The following ZNFX1 variants were observed in gnomAD, a reference collection of about 807,000 sequenced individuals.
ZNFX1 encodes the protein zinc finger NFX1-type containing 1, also known as NFX1-type zinc finger-containing protein 1.
Under a neutral mutation model 179.8 loss-of-function variants are expected in ZNFX1, and 78 were observed. The observed-to-expected ratio is 0.43, with a 90% CI of 0.36 to 0.52. ZNFX1 has a LOEUF of 0.52. ZNFX1 is among the 20% of genes least tolerant of loss of function. The probability of loss-of-function intolerance (pLI) is 0.00; values close to 1 mark genes in which losing one functional copy is unlikely to be tolerated. For synonymous variants in ZNFX1, 848 were observed against 868.5 expected (o/e 0.98, Z 0.42); for missense variants, 1,927 against 2,386.6 (o/e 0.81, Z 4.01).
At chr20:49,253,566 T>C in intron 11 of ZNFX1, 100 bp downstream of exon 11, 1 of 1,423,082 alleles carries the variant, frequency 7.0e-7, no homozygotes, top group Non-Finnish European at 9.6e-7. Context: ...AAGAAGCTAC[T>C]AATAAGCTTG....
chr20:49,275,758 T>C (rs770738931), intron 2 of ZNFX1, 21 bp downstream of exon 2: 7 of 1,612,904 alleles, frequency 4.3e-6, no homozygotes, highest in Non-Finnish European at 5.9e-6. Context: ...TCCTTCTCAT[T>C]AGGTAGGAAA....
Position 49,249,515 on chromosome 20 carries a change from A to G in ZNFX1, c.3509T>C (p.Leu1170Pro). 6.2e-7 allele frequency: 1 copy of G among 1,614,252 alleles called. No homozygotes were observed. The highest frequency in any genetic ancestry group is 8.5e-7 in the Non-Finnish European group (1 of 1,180,054). The stretch of plus-strand genomic sequence containing the variant: ...GCCAGCAAATGTCTTGGCAGGCATC[A>G]GTTTGCGCAGGCAGAAGAGCTGCCC... ...YTGQLFCLRK[L>P]MPAKTFAGVR... is the part of the protein sequence containing the mutation. Residue 1170 changes from leucine to proline, a missense_variant, in exon 14 of 14, where the codon CTG (leucine) becomes CCG (proline). By Grantham distance (98) the Leu-to-Pro change is moderately conservative. Coordinates refer to ENST00000396105, the MANE Select transcript of ZNFX1 (RefSeq NM_021035.3).
In ZNFX1 at chr20:49,276,815, C is replaced by A. The variant is rs116372776; in HGVS notation, c.-48-928G>T. Among the ~76,000 whole-genome samples the A allele has an allele frequency of 5.1e-3, 774 of 152,322 alleles. 6 individuals are homozygous for A. The highest frequency in any genetic ancestry group is 0.018 in the African/African-American group (728 of 41,570). On this transcript the variant is annotated intron_variant, in intron 1 of 13. Coordinates refer to ENST00000396105, the MANE Select transcript of ZNFX1 (RefSeq NM_021035.3). ...TTTTCCTCATCTGAAAAAGGAGTCT[C>A]TTTTCTTCCCCCTGGGAATATCTCT...
intron 12 of ZNFX1, 52 bp downstream of exon 12, chr20:49,252,668 C>T: frequency 1.4e-6 from 2 of 1,428,666 alleles, no homozygotes; most frequent in Admixed American, 1.7e-5. Flanking sequence ...CTGGCAGCTT[C>T]CCAGGAGCTT....
intron 3 of ZNFX1, 93 bp from the exon 4 acceptor site, chr20:49,266,359 T>A (rs1981233388): frequency 1.7e-6 from 2 of 1,144,956 alleles, no homozygotes; most frequent in Non-Finnish European, 2.4e-6. Flanking sequence ...TTTAATATAA[T>A]ACATTAAGAT....
At chr20:49,272,473 C>T (rs1246327389) in intron 2 of ZNFX1, among the ~76,000 whole-genome samples, 2 of 152,098 alleles carry the variant, frequency 1.3e-5, no homozygotes, top group East Asian at 1.9e-4. Context: ...CGTAAGCCAC[C>T]GTGCCTGGTG....
At chr20:49,271,882 TTCTA>T in intron 2 of ZNFX1, 132 bp from the exon 3 acceptor site, 1 of 1,007,846 alleles carries the variant, frequency 9.9e-7, no homozygotes, top group Non-Finnish European at 1.4e-6. Context: ...GAAAAACGGT[TTCTA>T]CCAAGTCATA....
chr20:49,249,047 A>G lies in ZNFX1; in HGVS notation c.3977T>C (p.Ile1326Thr). The change falls in exon 14 of 14, where the codon ATC becomes ACC. Residue 1326 changes from isoleucine (I) to threonine (T), a missense_variant. Physicochemically the swap from Ile to Thr is moderately conservative, Grantham distance 89. Coordinates refer to ENST00000396105, the MANE Select transcript of ZNFX1 (RefSeq NM_021035.3). ...FQCMKPCQKV[I>T]CQEGHRCPLV... Reference sequence around the variant, plus strand: ...GGGACACCGGTGCCCTTCCTGACAGATGACCTTCTGGCATGGCTTCATGCA... The same window carrying G: ...GGGACACCGGTGCCCTTCCTGACAGGTGACCTTCTGGCATGGCTTCATGCA... 6.2e-7 allele frequency: 1 copy of G among 1,614,222 alleles called. No homozygotes were observed. Among genetic ancestry groups the G allele is most frequent in the Non-Finnish European group, 8.5e-7 (1 of 1,180,040 alleles).
At chr20:49,273,996 C>A (rs1981489455) in intron 2 of ZNFX1, among the ~76,000 whole-genome samples, 1 of 152,206 alleles carries the variant, frequency 6.6e-6, no homozygotes, top group Non-Finnish European at 1.5e-5. Flanking sequence ...TGTTCCACAG[C>A]TAAAACTCTT....
intron 5 of ZNFX1, among the ~76,000 whole-genome samples, chr20:49,264,084 T>G (rs192381371): frequency 4.9e-4 from 75 of 152,262 alleles, no homozygotes; most frequent in African/African-American, 1.7e-3. Flanking sequence ...TAGCCAGGTG[T>G]GATGGCGGGC....
intron 5 of ZNFX1, among the ~76,000 whole-genome samples, chr20:49,263,796 A>T (rs1341015339): frequency 6.6e-6 from 1 of 152,248 alleles, no homozygotes; most frequent in Non-Finnish European, 1.5e-5. Flanking sequence ...CTAAAAATGC[A>T]AAAATTAGCC....
intron 6 of ZNFX1, among the ~76,000 whole-genome samples, chr20:49,261,929 A>G (rs1394731259): frequency 6.6e-6 from 1 of 151,700 alleles, no homozygotes; most frequent in East Asian, 2.0e-4. Context: ...TACAGGCGTG[A>G]GCCACTGCGC....
rs780271824 is a variant in ZNFX1, at chr20:49,255,900, C to G, written c.2712G>C (p.Glu904Asp). The change falls in exon 9 of 14, where the codon GAG becomes GAC. Residue 904 changes from glutamate to aspartate, a missense_variant. Coordinates refer to ENST00000396105, the MANE Select transcript of ZNFX1 (RefSeq NM_021035.3). ...KKKMKKRVKDELRKLNTMTAA... is the reference protein window; with the variant it reads ...KKKMKKRVKDDLRKLNTMTAA... Reference sequence around the variant, plus strand: ...CAGTCATGGTGTTCAGTTTGCGAAGCTCATCCTTCACTCTTTTTTTCATTT... The same window carrying G: ...CAGTCATGGTGTTCAGTTTGCGAAGGTCATCCTTCACTCTTTTTTTCATTT... 6.2e-7 allele frequency: 1 copy of G among 1,614,000 alleles called. No homozygotes were observed. Among genetic ancestry groups the G allele is most frequent in the Non-Finnish European group, 8.5e-7 (1 of 1,180,028 alleles).
chr20:49,264,933 T>C (rs781780280), intron 4 of ZNFX1, 69 bp from the exon 5 acceptor site: 1 of 1,603,464 alleles, frequency 6.2e-7, no homozygotes, highest in Admixed American at 1.7e-5. Context: ...GTGAGAGCTG[T>C]GTGTATTTGG....
At chr20:49,271,867 G>A (rs1212796889) in intron 2 of ZNFX1, 117 bp from the exon 3 acceptor site, 7 of 1,236,136 alleles carry the variant, frequency 5.7e-6, no homozygotes, top group Admixed American at 5.7e-5. Flanking sequence ...GGTTTTATAC[G>A]GTAAGAAAAA....
Position 49,260,481 on chromosome 20 carries a change from C to G in ZNFX1, c.2398G>C (p.Ala800Pro), listed in dbSNP as rs748880489. The change falls in exon 7 of 14, where the codon GCA becomes CCA. Residue 800 changes from alanine (A) to proline (P), a missense_variant. Transcript: ENST00000396105. ...VGSFTQSVSPAGPENTAQAEG... is the reference protein window; with the variant it reads ...VGSFTQSVSPPGPENTAQAEG... ...TTCTTACCTGTATTCTCAGGTCCTG[C>G]TGGAGAAACACTTTGCGTGAAAGAA... The G allele has an allele frequency of 3.1e-6, 5 of 1,612,690 alleles. No individual in the cohort carries two copies. Among genetic ancestry groups the G allele is most frequent in the Non-Finnish European group, 3.4e-6 (4 of 1,179,408 alleles).
At chr20:49,262,326 A>C (rs1322881249) in intron 6 of ZNFX1, among the ~76,000 whole-genome samples, 2 of 151,578 alleles carry the variant, frequency 1.3e-5, no homozygotes, top group East Asian at 3.9e-4. Flanking sequence ...GAATCGCTTG[A>C]ACCCGGGAGG....
At chr20:49,261,854 G>T (rs1260738792) in intron 6 of ZNFX1, among the ~76,000 whole-genome samples, 1 of 151,256 alleles carries the variant, frequency 6.6e-6, no homozygotes, top group Admixed American at 6.6e-5. Flanking sequence ...CAGCGTGTTA[G>T]CCAGGATGGT....
At position 49,251,609 on chromosome 20, in the gene ZNFX1, G is replaced by C; in HGVS notation, c.3230C>G (p.Pro1077Arg). The C allele has an allele frequency of 6.2e-7, 1 of 1,611,208 alleles. No individual in the cohort carries two copies. The highest frequency in any genetic ancestry group is 8.5e-7 in the Non-Finnish European group (1 of 1,178,670). The change falls in exon 13 of 14, where the codon CCT becomes CGT. Residue 1077 changes from proline to arginine, a missense_variant. Coordinates refer to ENST00000396105, the MANE Select transcript of ZNFX1 (RefSeq NM_021035.3). The stretch of plus-strand genomic sequence containing the variant: ...GGGGGTCAAAAGGCGGGCAATTTCA[G>C]GGCACATACGGTGCTGAAAAAACAC... ...VRLNYQHRMC[P>R]EIARLLTPHI...
Sources: gnomAD v4.1 joint callset for allele counts (sites outside exome capture counted in the v4.1 genomes callset) on GRCh38, gnomAD v4.1.1 for gene constraint, MANE v1.5 for transcripts, NCBI Gene and HGNC (gene_info 2026-07-23, HGNC 2026-07-21) for gene names.